The following SMARCD3 variants were observed in gnomAD, a reference collection of about 807,000 sequenced individuals.
SMARCD3 encodes SWI/SNF-related matrix-associated actin-dependent regulator of chromatin subfamily D member 3.
A neutral mutation model predicts 58.0 loss-of-function variants in SMARCD3; 14 were observed. The ratio of observed to expected loss-of-function variants is 0.24; its 90% CI spans 0.16 to 0.38. The LOEUF (loss-of-function observed/expected upper bound fraction) is 0.38. Among genes scored for constraint, SMARCD3 ranks in the 10% least tolerant of loss-of-function variants. The pLI is 1.00. For missense variants in SMARCD3, 408 were observed against 636.9 expected (o/e 0.64, Z 3.87); for synonymous variants, 253 against 253.8 (o/e 1.00, Z 0.03).
At chr7:151,266,937 T>C (rs1487270453) in intron 2 of SMARCD3, among the ~76,000 whole-genome samples, 1 of 152,176 alleles carries the variant, frequency 6.6e-6, no homozygotes, top group Non-Finnish European at 1.5e-5. Context: ...GGTCTTGAAC[T>C]TTTGGCGTGA....
chr7:151,252,734 A>AG (rs11383901), upstream of SMARCD3, among the ~76,000 whole-genome samples: 152,181 of 152,182 alleles, frequency 1, 76,090 homozygotes, highest in Non-Finnish European at 1. Flanking sequence ...GACGCTCCGA[A>AG]GCCAGGCCAG....
In SMARCD3 at chr7:151,245,926, C is replaced by G. The variant is rs1377158305; in HGVS notation, c.79-255G>C. ...AGGCACCGCACAGGGCATTGCGAGC[C>G]TCGGGGCTGCGGAAGGTACCGCAAA... On this transcript the variant is annotated intron_variant, in intron 1 of 12. Transcript: ENST00000262188. The surrounding 1 kb of genome is among the most constrained non-coding windows in gnomAD (Gnocchi z 6.2). The G allele has an allele frequency of 2.8e-6, 1 of 359,228 alleles. No individual in the cohort carries two copies. Among genetic ancestry groups the G allele is most frequent in the Non-Finnish European group, 5.0e-6 (1 of 201,262 alleles). 22.3% of individuals were successfully genotyped at this position (359,228 alleles called of 1,614,324 possible).
upstream of SMARCD3, chr7:151,277,118 C>T (rs959193800): frequency 1.3e-5 from 2 of 150,632 alleles, no homozygotes; most frequent in African/African-American, 4.8e-5. Flanking sequence ...GCCGCCCGCT[C>T]CCTGCTCGGC....
chr7:151,274,038 C>T (rs1795258218), intron 2 of SMARCD3, among the ~76,000 whole-genome samples: 2 of 152,292 alleles, frequency 1.3e-5, no homozygotes. Flanking sequence ...GCCTCAGGCT[C>T]CTCTGGGCCA....
At chr7:151,270,197 G>A (rs1227610667) in intron 2 of SMARCD3, among the ~76,000 whole-genome samples, 1 of 152,144 alleles carries the variant, frequency 6.6e-6, no homozygotes, top group African/African-American at 2.4e-5. Flanking sequence ...TAACTGAAGA[G>A]GGAATGAGCA....
chr7:151,238,934 C>A lies in SMARCD3; in HGVS notation c.*169G>T. 1 of 1,028,236 alleles carries A rather than the reference C, an allele frequency of 9.7e-7. No individual in the cohort carries two copies. The highest frequency in any genetic ancestry group is 1.5e-6 in the Non-Finnish European group (1 of 684,778). The allele number at this position is 1,028,236 out of a possible 1,614,324, so 63.7% of individuals were successfully genotyped here. A position where few individuals can be genotyped will look rare whatever the true frequency, so the allele number is the denominator to read the frequency against. On this transcript the variant is annotated 3_prime_UTR_variant, in exon 13 of 13. Coordinates refer to ENST00000262188, the MANE Select transcript of SMARCD3 (RefSeq NM_001003801.2). The stretch of plus-strand genomic sequence containing the variant: ...CCACCTTCTTCCCTTCCCCTTCTCT[C>A]CCCCTCCCCTCCCCAGTTTCCAATG...
Position 151,239,988 on chromosome 7 carries a change from C to CTTTTTT in SMARCD3, c.1173+118_1173+123dup. The CTTTTTT allele has an allele frequency of 1.2e-6, 1 of 830,292 alleles. No homozygotes were observed. Among genetic ancestry groups the CTTTTTT allele is most frequent in the African/African-American group, 1.8e-5 (1 of 54,300 alleles). The allele number at this position is 830,292 out of a possible 1,614,324, so 51.4% of individuals were successfully genotyped here. A position where few individuals can be genotyped will look rare whatever the true frequency, so the allele number is the denominator to read the frequency against. On this transcript the variant is annotated intron_variant, in intron 10 of 12. Coordinates refer to ENST00000262188, the MANE Select transcript of SMARCD3 (RefSeq NM_001003801.2). This position sits in a 1 kb window ranked among gnomAD's most constrained non-coding sequence, Gnocchi z 7.0. ...GTCCCATTGGCCCAGAGTCTGGTCT[C>CTTTTTT]TTTTTTTTTTTTTTTTTTAATTTAA...
At chr7:151,267,752 G>A (rs184858890) in intron 2 of SMARCD3, among the ~76,000 whole-genome samples, 3 of 152,208 alleles carry the variant, frequency 2.0e-5, no homozygotes, top group Non-Finnish European at 2.9e-5. Context: ...TGAGGTGGGC[G>A]GATTGCTTGA....
chr7:151,252,755 C>T (rs919158787), upstream of SMARCD3, among the ~76,000 whole-genome samples: 12 of 152,080 alleles, frequency 7.9e-5, no homozygotes, highest in African/African-American at 2.9e-4. Flanking sequence ...GGGCATCAGG[C>T]ACCTTCCTCC....
chr7:151,240,738 G>A (rs1802944200), intron 8 of SMARCD3: 2 of 569,082 alleles, frequency 3.5e-6, no homozygotes. Flanking sequence ...CAGGGGTTGA[G>A]AGTGCGGGCC....
chr7:151,262,673 G>A (rs937928512), intron 2 of SMARCD3, among the ~76,000 whole-genome samples: 3 of 152,224 alleles, frequency 2.0e-5, no homozygotes, highest in Non-Finnish European at 4.4e-5. Context: ...AGGGCCCCGC[G>A]GGAGCAGGGA....
chr7:151,241,123 A>G lies in SMARCD3; in HGVS notation c.939+369T>C. ...AGGACAGGTATTGTCACTCCACTTC[A>G]AAGATAAGGAAACAAGGTTCAGAAT... is the stretch of plus-strand genomic sequence containing the variant. On this transcript the variant is annotated intron_variant, in intron 8 of 12. Coordinates refer to ENST00000262188, the MANE Select transcript of SMARCD3 (RefSeq NM_001003801.2). The surrounding 1 kb of genome is among the most constrained non-coding windows in gnomAD (Gnocchi z 5.3). The G allele has an allele frequency of 3.0e-6, 1 of 338,864 alleles. No homozygotes were observed. Among genetic ancestry groups the G allele is most frequent in the South Asian group, 2.7e-5 (1 of 36,944 alleles). 21.0% of individuals were successfully genotyped at this position (338,864 alleles called of 1,614,324 possible). A position where few individuals can be genotyped will look rare whatever the true frequency, so the allele number is the denominator to read the frequency against.
Position 151,239,086 on chromosome 7 carries a change from T to G in SMARCD3, c.*17A>C. 2 of 1,613,808 alleles carry G rather than the reference T, an allele frequency of 1.2e-6. No individual in the cohort carries two copies. The highest frequency in any genetic ancestry group is 1.7e-6 in the Non-Finnish European group (2 of 1,179,672). On this transcript the variant is annotated 3_prime_UTR_variant, in exon 13 of 13. Coordinates refer to ENST00000262188, the MANE Select transcript of SMARCD3 (RefSeq NM_001003801.2). This position sits in a 1 kb window ranked among gnomAD's most constrained non-coding sequence, Gnocchi z 7.0. Reference sequence around the variant, plus strand: ...GACACGGCTGAAAGTTCCGTCGTGCTGCTTATTTTTGGGCTCCTAGGTGTT... The same window carrying G: ...GACACGGCTGAAAGTTCCGTCGTGCGGCTTATTTTTGGGCTCCTAGGTGTT...
chr7:151,252,470 AG>A (rs534531457), upstream of SMARCD3, among the ~76,000 whole-genome samples: 93 of 151,956 alleles, frequency 6.1e-4, 1 homozygote, highest in South Asian at 1.5e-3. Flanking sequence ...AGAACGCGAG[AG>A]GAGAGGGAGA....
intron 2 of SMARCD3, among the ~76,000 whole-genome samples, chr7:151,260,789 G>A (rs943459486): frequency 6.6e-6 from 1 of 152,222 alleles, no homozygotes; most frequent in Non-Finnish European, 1.5e-5. Context: ...CTTAAGAGGG[G>A]TAGGAGAAGC....
intron 2 of SMARCD3, among the ~76,000 whole-genome samples, chr7:151,270,001 C>T (rs192383422): frequency 1.3e-5 from 2 of 152,098 alleles, no homozygotes; most frequent in East Asian, 3.9e-4. Flanking sequence ...CCAGGGGGCA[C>T]GAAGGCTGGG....
Position 151,238,922 on chromosome 7 carries a change from T to G in SMARCD3, c.*181A>C. Reference sequence around the variant, plus strand: ...CCCACTGCCTCCCCACCTTCTTCCCTTCCCCTTCTCTCCCCCTCCCCTCCC... The same window carrying G: ...CCCACTGCCTCCCCACCTTCTTCCCGTCCCCTTCTCTCCCCCTCCCCTCCC... On this transcript the variant is annotated 3_prime_UTR_variant, in exon 13 of 13. Coordinates refer to ENST00000262188, the MANE Select transcript of SMARCD3 (RefSeq NM_001003801.2). 1 of 1,035,090 alleles carries G rather than the reference T, an allele frequency of 9.7e-7. No homozygotes were observed. The highest frequency in any genetic ancestry group is 1.5e-5 in the South Asian group (1 of 67,810). 64.1% of individuals were successfully genotyped at this position (1,035,090 alleles called of 1,614,324 possible).
chr7:151,253,039 A>G (rs1803579104), upstream of SMARCD3, among the ~76,000 whole-genome samples: 1 of 152,236 alleles, frequency 6.6e-6, no homozygotes, highest in Non-Finnish European at 1.5e-5. Context: ...CAGTGTCCTC[A>G]GAAGTGAAAG....
rs543506368 is a variant in SMARCD3 at position 151,243,037 on chromosome 7, T to C, written c.334-194A>G. Among the ~76,000 whole-genome samples the C allele has an allele frequency of 1.1e-4, 17 of 152,326 alleles. No homozygotes were observed. In the East Asian group the frequency reaches 3.3e-3, roughly 29 times the overall value. On this transcript the variant is annotated intron_variant, in intron 3 of 12. Coordinates refer to ENST00000262188, the MANE Select transcript of SMARCD3 (RefSeq NM_001003801.2). The surrounding 1 kb of genome is among the most constrained non-coding windows in gnomAD (Gnocchi z 4.4). ...ATCCAGCAGTAGGGGCCTTGCTGTGTAGGGATAACAATTGCTTCTCCCTTT... is the reference window on the plus strand; with the variant it reads ...ATCCAGCAGTAGGGGCCTTGCTGTGCAGGGATAACAATTGCTTCTCCCTTT...
Sources: allele counts gnomAD v4.1 joint callset (sites outside exome capture counted in the v4.1 genomes callset), GRCh38; gene constraint gnomAD v4.1.1; non-coding constraint Gnocchi (gnomAD v3.1); transcripts MANE v1.5; gene names NCBI Gene and HGNC (gene_info 2026-07-23, HGNC 2026-07-21).